SLC7A1: variants seen among roughly 807,000 people sequenced by gnomAD.
The protein encoded by SLC7A1 is solute carrier family 7 member 1, also known as high affinity cationic amino acid transporter 1.
Under a neutral mutation model 53.9 loss-of-function variants are expected in SLC7A1, and 10 were observed. The observed-to-expected ratio is 0.19, with a 90% confidence interval of 0.11 to 0.31. The LOEUF (loss-of-function observed/expected upper bound fraction) is 0.31. Among genes scored for constraint, SLC7A1 ranks in the 10% least tolerant of loss-of-function variants. The pLI is 1.00. For synonymous variants in SLC7A1, 342 were observed against 338.7 expected (o/e 1.01, Z -0.11); for missense variants, 525 against 827.2 (o/e 0.63, Z 4.48).
chr13:29,574,478 A>G (rs780559389), intron 1 of SLC7A1, among the ~76,000 whole-genome samples: 1 of 152,252 alleles, frequency 6.6e-6, no homozygotes, highest in Non-Finnish European at 1.5e-5. Context: ...AGTCAGTGCC[A>G]GCACCTGTAG....
At position 29,517,843 on chromosome 13, in the gene SLC7A1, T is replaced by A. The variant is rs926113331; in HGVS notation, c.1293-53A>T. 5 of 1,439,124 alleles carry A rather than the reference T, an allele frequency of 3.5e-6. No individual in the cohort carries two copies. In the African/African-American group the frequency reaches 7.0e-5, roughly 20 times the overall value. The allele number at this position is 1,439,124 out of a possible 1,614,324, so 89.1% of individuals were successfully genotyped here. On this transcript the variant is annotated intron_variant, in intron 9 of 12. Transcript: ENST00000380752. Reference sequence around the variant, plus strand: ...CACATCTGCTTCAAGCAAAATGACGTGCACCAACTCAAGTTCTCAATAAGC... The same window carrying A: ...CACATCTGCTTCAAGCAAAATGACGAGCACCAACTCAAGTTCTCAATAAGC...
chr13:29,530,339 C>T (rs1160314614), intron 5 of SLC7A1, among the ~76,000 whole-genome samples, 199 bp downstream of exon 5: 2 of 152,182 alleles, frequency 1.3e-5, no homozygotes, highest in African/African-American at 4.8e-5. Context: ...CTTTCCATTT[C>T]AGGGGAATAA....
intron 2 of SLC7A1, among the ~76,000 whole-genome samples, chr13:29,546,957 G>C (rs531737213): frequency 6.6e-6 from 1 of 152,304 alleles, no homozygotes; most frequent in East Asian, 1.9e-4. Flanking sequence ...GTAAGAATAA[G>C]AGCGCGGAGT....
At chr13:29,569,551 A>G (rs143608249) in intron 1 of SLC7A1, among the ~76,000 whole-genome samples, 1 of 152,296 alleles carries the variant, frequency 6.6e-6, no homozygotes, top group Non-Finnish European at 1.5e-5. Flanking sequence ...CGGGGGCTGC[A>G]ATAATCACAT....
intron 7 of SLC7A1, among the ~76,000 whole-genome samples, chr13:29,522,905 A>G (rs148404714): frequency 1.4e-3 from 215 of 152,376 alleles, no homozygotes; most frequent in African/African-American, 5.0e-3. Flanking sequence ...AAAGGCACTT[A>G]TTCCCTTCAT....
intron 1 of SLC7A1, among the ~76,000 whole-genome samples, chr13:29,574,865 C>T (rs1159061121): frequency 2.0e-5 from 3 of 152,122 alleles, no homozygotes; most frequent in South Asian, 4.2e-4. Flanking sequence ...AGGATGGTCT[C>T]GATCTCCTGA....
chr13:29,579,277 C>T (rs571356394), intron 1 of SLC7A1, among the ~76,000 whole-genome samples: 3 of 152,152 alleles, frequency 2.0e-5, no homozygotes, highest in South Asian at 2.1e-4. Context: ...CCACCTGAGG[C>T]GCCCCGCACA....
At chr13:29,515,795 T>G (rs1360667203) in intron 12 of SLC7A1, among the ~76,000 whole-genome samples, 1 of 152,236 alleles carries the variant, frequency 6.6e-6, no homozygotes, top group Non-Finnish European at 1.5e-5. Flanking sequence ...CTGGGCCTAG[T>G]GCCCGTACCA....
At chr13:29,517,917 A>G in intron 9 of SLC7A1, 127 bp from the exon 10 acceptor site, 2 of 708,344 alleles carry the variant, frequency 2.8e-6, no homozygotes, top group South Asian at 3.4e-5. Flanking sequence ...GGAAGGATAT[A>G]GTCAAATGCT....
intron 2 of SLC7A1, among the ~76,000 whole-genome samples, chr13:29,550,844 A>G (rs80228294): frequency 0.011 from 1,601 of 152,306 alleles, 23 homozygotes; most frequent in African/African-American, 0.037. Context: ...GAAACAGATG[A>G]CTAATAAATG....
At position 29,509,811 on chromosome 13, in the gene SLC7A1, G is replaced by C. The variant is rs571794903; in HGVS notation, c.*4669C>G. ...GTTCAGTAGAAGAAAATATTTACTG[G>C]AGAAACCACAGCTATTCAGGTTTGA... On this transcript the variant is annotated 3_prime_UTR_variant, in exon 13 of 13. Coordinates refer to ENST00000380752, the MANE Select transcript of SLC7A1 (RefSeq NM_003045.5). The C allele has an allele frequency of 8.0e-4, 122 of 152,594 alleles. No individual in the cohort carries two copies. The highest frequency in any genetic ancestry group is 2.8e-3 in the African/African-American group (116 of 41,530). The allele number at this position is 152,594 out of a possible 1,614,324, so 9.5% of individuals were successfully genotyped here.
At position 29,572,088 on chromosome 13, in the gene SLC7A1, C is replaced by T. The variant is rs1448799244; in HGVS notation, c.-114-18228G>A. 2.0e-5 allele frequency among the ~76,000 whole-genome samples: 3 copies of T among 152,358 alleles called. No individual in the cohort carries two copies. In the East Asian group the frequency reaches 5.8e-4, roughly 29 times the overall value. On this transcript the variant is annotated intron_variant, in intron 1 of 12. Coordinates refer to ENST00000380752, the MANE Select transcript of SLC7A1 (RefSeq NM_003045.5). ...GCCAGTGGCCAAGGAGGCACCAATG[C>T]CCAGGTCTGAGGCTGCCTGTGGCAT...
intron 1 of SLC7A1, among the ~76,000 whole-genome samples, chr13:29,588,976 T>C (rs576080933): frequency 2.0e-5 from 3 of 152,288 alleles, no homozygotes; most frequent in African/African-American, 7.2e-5. Context: ...CCCCAGCTCC[T>C]AGACCAGGCC....
At chr13:29,552,222 TAC>T (rs34563180) in intron 2 of SLC7A1, among the ~76,000 whole-genome samples, 90,645 of 146,272 alleles carry the variant, frequency 0.62, 30,582 homozygotes, top group Non-Finnish European at 0.8. Flanking sequence ...TGAGGGTCAT[TAC>T]ACACACACAC....
chr13:29,514,637 A>G (rs987474992), intron 12 of SLC7A1, 54 bp from the exon 13 acceptor site: 33 of 1,392,634 alleles, frequency 2.4e-5, no homozygotes, highest in Non-Finnish European at 3.2e-5. Context: ...GCACCACCGC[A>G]GGCAGGGCTC....
In SLC7A1 at chr13:29,512,787, GGCT is replaced by G. The variant is rs1883430676; in HGVS notation, c.*1690_*1692del. On this transcript the variant is annotated 3_prime_UTR_variant, in exon 13 of 13. Transcript: ENST00000380752. ...GCAAGGTGAGCAGGCCTGATACGGA[GGCT>G]CAGCCCATGGCCATCCACCCGCCCT... The G allele has an allele frequency of 7.2e-6, 1 of 138,074 alleles. No individual in the cohort carries two copies. Among genetic ancestry groups the G allele is most frequent in the African/African-American group, 2.5e-5 (1 of 39,532 alleles). 8.6% of individuals were successfully genotyped at this position (138,074 alleles called of 1,614,324 possible).
chr13:29,581,801 G>C (rs904967412), intron 1 of SLC7A1, among the ~76,000 whole-genome samples: 1 of 152,076 alleles, frequency 6.6e-6, no homozygotes, highest in Non-Finnish European at 1.5e-5. Context: ...TGAGGATGAC[G>C]AACAAGTAGC....
chr13:29,584,916 C>G (rs1241890182), intron 1 of SLC7A1, among the ~76,000 whole-genome samples: 1 of 152,196 alleles, frequency 6.6e-6, no homozygotes, highest in Non-Finnish European at 1.5e-5. Context: ...ATCCTTAACT[C>G]TTTCAGACAG....
At chr13:29,585,057 C>G (rs61947179) in intron 1 of SLC7A1, among the ~76,000 whole-genome samples, 13,291 of 152,270 alleles carry the variant, frequency 0.087, 796 homozygotes, top group Non-Finnish European at 0.14. Context: ...ACCACTGTGT[C>G]AGGTTAACGA....
Sources: gnomAD v4.1 joint callset for allele counts (sites outside exome capture counted in the v4.1 genomes callset) on GRCh38, gnomAD v4.1.1 for gene constraint, MANE v1.5 for transcripts, NCBI Gene and HGNC (gene_info 2026-07-23, HGNC 2026-07-21) for gene names.